DNAAF5: variants seen among roughly 807,000 people sequenced by gnomAD.
DNAAF5 encodes dynein axonemal assembly factor 5.
DNAAF5 carries 64 observed loss-of-function variants against 75.8 expected under a neutral mutation model. The ratio of observed to expected loss-of-function variants is 0.84; its 90% CI spans 0.69 to 1.04. The LOEUF is 1.04. Ranked by LOEUF, DNAAF5 falls within the 50% of genes least tolerant of loss-of-function variation. The pLI, the probability that DNAAF5 is intolerant of heterozygous loss-of-function variation, is 0.00. For missense variants in DNAAF5, 1,269 were observed against 1,178.5 expected (o/e 1.08, Z -1.12); for synonymous variants, 657 against 557.2 (o/e 1.18, Z -2.52).
At chr7:732,855 C>T (rs1425462949) in intron 2 of DNAAF5, among the ~76,000 whole-genome samples, 1 of 152,092 alleles carries the variant, frequency 6.6e-6, no homozygotes, top group Non-Finnish European at 1.5e-5. Context: ...CCCATTTGCC[C>T]AGGCCATGTC....
intron 4 of DNAAF5, among the ~76,000 whole-genome samples, chr7:745,588 TCTG>T (rs1201325313): frequency 6.6e-6 from 1 of 151,924 alleles, no homozygotes; most frequent in Admixed American, 6.6e-5. Flanking sequence ...CATATACACA[TCTG>T]CACACGTATA....
chr7:779,083 G>T (rs1778853999), intron 11 of DNAAF5, among the ~76,000 whole-genome samples: 1 of 152,262 alleles, frequency 6.6e-6, no homozygotes, highest in Non-Finnish European at 1.5e-5. Flanking sequence ...CTCAAAGCCT[G>T]GCTTGGTAGG....
intron 3 of DNAAF5, 37 bp from the exon 4 acceptor site, chr7:741,310 T>C: frequency 6.6e-7 from 1 of 1,511,952 alleles, no homozygotes; most frequent in Non-Finnish European, 9.1e-7. Context: ...CTGCGTGCCC[T>C]GCCCTGAGCC....
At position 758,231 on chromosome 7, in the gene DNAAF5, A is replaced by G. The variant is rs1782547764; in HGVS notation, c.1470+1237A>G. Among the ~76,000 whole-genome samples the G allele has an allele frequency of 3.9e-5, 6 of 152,220 alleles. No homozygotes were observed. The South Asian group carries it at 1.2e-3, about 32-fold the overall frequency. On this transcript the variant is annotated intron_variant, in intron 6 of 12. Transcript: ENST00000297440. ...TTCTGTATACAGATTTGCAAGCCAG[A>G]AGCATTTTTTCCTAGAAGGGCATAA... is the stretch of plus-strand genomic sequence containing the variant.
intron 4 of DNAAF5, among the ~76,000 whole-genome samples, chr7:746,589 G>T (rs190424450): frequency 7.5e-6 from 1 of 133,606 alleles, no homozygotes; most frequent in South Asian, 2.5e-4. Context: ...CCTTTTCCCC[G>T]CCCGTCGTGC....
rs73260319 is a variant in DNAAF5 at position 783,021 on chromosome 7, C to T, written c.2432-2496C>T. 4.6e-3 allele frequency among the ~76,000 whole-genome samples: 694 copies of T among 152,370 alleles called. 7 individuals are homozygous for T. Among genetic ancestry groups the T allele is most frequent in the African/African-American group, 0.016 (658 of 41,584 alleles). Reference sequence around the variant, plus strand: ...CGTGGGCACCAGGCTCAGAAGAGTCCGGCTTGTGGTGGCAGGGCCAAGCTT... The same window carrying T: ...CGTGGGCACCAGGCTCAGAAGAGTCTGGCTTGTGGTGGCAGGGCCAAGCTT... On this transcript the variant is annotated intron_variant, in intron 12 of 12. Coordinates refer to ENST00000297440, the MANE Select transcript of DNAAF5 (RefSeq NM_017802.4).
At chr7:780,243 G>A in intron 12 of DNAAF5, 99 bp downstream of exon 12, 1 of 1,103,180 alleles carries the variant, frequency 9.1e-7, no homozygotes, top group Non-Finnish European at 1.3e-6. Flanking sequence ...AGGGCCCTGG[G>A]GCACAGGAGG....
intron 11 of DNAAF5, among the ~76,000 whole-genome samples, chr7:775,729 G>A (rs1778739969): frequency 6.6e-6 from 1 of 152,132 alleles, no homozygotes; most frequent in African/African-American, 2.4e-5. Context: ...CATTGCATTC[G>A]GCCTTAAAAC....
At chr7:761,236 C>T (rs772023201) in intron 6 of DNAAF5, among the ~76,000 whole-genome samples, 1 of 123,834 alleles carries the variant, frequency 8.1e-6, no homozygotes, top group Non-Finnish European at 1.8e-5. Context: ...CATGCCGGCA[C>T]CCTACCTCCA....
At chr7:764,476 G>A (rs1020563621) in intron 8 of DNAAF5, among the ~76,000 whole-genome samples, 8 of 152,178 alleles carry the variant, frequency 5.3e-5, no homozygotes, top group East Asian at 1.9e-4. Flanking sequence ...GGAGACGTCC[G>A]CTCAGCAGCC....
At chr7:737,819 T>C (rs1292416324) in intron 2 of DNAAF5, among the ~76,000 whole-genome samples, 2 of 152,242 alleles carry the variant, frequency 1.3e-5, no homozygotes, top group Non-Finnish European at 2.9e-5. Context: ...TTGTTGTTTT[T>C]TCTCTTGCTG....
intron 8 of DNAAF5, among the ~76,000 whole-genome samples, chr7:767,762 G>C (rs1281226419): frequency 6.6e-6 from 1 of 151,610 alleles, no homozygotes; most frequent in Non-Finnish European, 1.5e-5. Flanking sequence ...GGAGACACGT[G>C]ATCCGGGCGG....
At chr7:783,451 T>C (rs1178129607) in intron 12 of DNAAF5, among the ~76,000 whole-genome samples, 16 of 152,044 alleles carry the variant, frequency 1.1e-4, no homozygotes, top group Non-Finnish European at 1.6e-4. Flanking sequence ...TGCCTGGCTT[T>C]GACTCACAGA....
intron 8 of DNAAF5, chr7:768,340 G>A (rs1413741786): frequency 6.6e-6 from 1 of 150,418 alleles, no homozygotes; most frequent in African/African-American, 2.5e-5. Context: ...TGGGAGGGCA[G>A]ACACGTGATC....
rs887756066 is a variant in DNAAF5 at position 774,343 on chromosome 7, C to G, written c.2082+145C>G. On this transcript the variant is annotated intron_variant, in intron 10 of 12. Transcript: ENST00000297440. ...CCCGTACCCCAAGAGGCTCTCCCCA[C>G]ACTGGCGGCGGAAGGGCAGGAGCCG... 77 of 898,820 alleles carry G rather than the reference C, an allele frequency of 8.6e-5. No homozygotes were observed. The African/African-American group carries it at 1.2e-3, about 14-fold the overall frequency. The allele number at this position is 898,820 out of a possible 1,614,324, so 55.7% of individuals were successfully genotyped here.
At chr7:746,745 C>A (rs985026614) in intron 4 of DNAAF5, among the ~76,000 whole-genome samples, 9 of 152,188 alleles carry the variant, frequency 5.9e-5, no homozygotes, top group Middle Eastern at 3.4e-3. Flanking sequence ...GCTGCATTCA[C>A]CCTTCAGGGC....
chr7:741,513 G>T (rs200012487), intron 4 of DNAAF5, 48 bp downstream of exon 4: 57 of 1,146,566 alleles, frequency 5.0e-5, no homozygotes, highest in Non-Finnish European at 1.3e-5. Context: ...GCCCTTGTTG[G>T]GTGGGAAAGG....
At chr7:765,158 G>A (rs977391360) in intron 8 of DNAAF5, among the ~76,000 whole-genome samples, 5 of 152,106 alleles carry the variant, frequency 3.3e-5, no homozygotes, top group East Asian at 3.9e-4. Flanking sequence ...GATTGCTGAC[G>A]TGCACTCGGG....
chr7:751,367 G>C (rs969111952), intron 4 of DNAAF5, among the ~76,000 whole-genome samples: 2 of 151,836 alleles, frequency 1.3e-5, no homozygotes, highest in African/African-American at 2.4e-5. Context: ...GGATGCAGTG[G>C]CTCACACCTG....
Sources: gnomAD v4.1 joint callset for allele counts (sites outside exome capture counted in the v4.1 genomes callset) on GRCh38, gnomAD v4.1.1 for gene constraint, MANE v1.5 for transcripts, NCBI Gene and HGNC (gene_info 2026-07-23, HGNC 2026-07-21) for gene names.